FHIP2A: variants seen among roughly 807,000 people sequenced by gnomAD.
FHIP2A encodes the protein FHF complex subunit HOOK interacting protein 2A.
Under a neutral mutation model 93.5 loss-of-function variants are expected in FHIP2A, and 46 were observed. The ratio of observed to expected loss-of-function variants is 0.49; its 90% CI spans 0.39 to 0.63. The LOEUF is 0.63. Ranked by LOEUF, FHIP2A falls within the 20% of genes least tolerant of loss-of-function variation. FHIP2A has a pLI of 0.00. For missense variants in FHIP2A, 769 were observed against 909.7 expected (o/e 0.85, Z 1.99); for synonymous variants, 332 against 326.5 (o/e 1.02, Z -0.18).
chr10:114,823,354 G>A (rs2083551476), intron 1 of FHIP2A, among the ~76,000 whole-genome samples: 1 of 152,058 alleles, frequency 6.6e-6, no homozygotes, highest in South Asian at 2.1e-4. Flanking sequence ...AAATGACAGT[G>A]GTAGACTTCA....
In FHIP2A at chr10:114,860,736, T is replaced by C; in HGVS notation, c.1948-13T>C. The C allele has an allele frequency of 1.3e-6, 2 of 1,573,440 alleles. No homozygotes were observed. The highest frequency in any genetic ancestry group is 2.2e-5 in the South Asian group (2 of 90,196). On this transcript the variant is annotated splice_polypyrimidine_tract_variant and intron_variant, in intron 14 of 16. Transcript: ENST00000369248. ...TATTTTTAAATGTCTTTCTGTTTTT[T>C]ATCTCTCCATAGCCATATGATGTAA...
chr10:114,850,674 T>G (rs1225779503), intron 13 of FHIP2A, among the ~76,000 whole-genome samples: 1 of 152,170 alleles, frequency 6.6e-6, no homozygotes, highest in African/African-American at 2.4e-5. Flanking sequence ...CACTCCAGCC[T>G]GGGCAACAGA....
chr10:114,831,441 A>C (rs2083607325), intron 2 of FHIP2A, among the ~76,000 whole-genome samples: 1 of 152,176 alleles, frequency 6.6e-6, no homozygotes, highest in Non-Finnish European at 1.5e-5. Flanking sequence ...TAATTCACAA[A>C]CCCTCAGGCC....
downstream of FHIP2A, chr10:114,864,832 A>G: frequency 3.9e-6 from 1 of 258,184 alleles, no homozygotes; most frequent in Non-Finnish European, 6.1e-6. Context: ...CCCTACAATC[A>G]GTGGGTCTCT....
At chr10:114,867,754 C>A (rs186924952), downstream of FHIP2A, among the ~76,000 whole-genome samples, 1 of 152,176 alleles carries the variant, frequency 6.6e-6, no homozygotes, top group African/African-American at 2.4e-5. Context: ...CAACTCCCCC[C>A]CATTCCTGAA....
chr10:114,875,904 AAGAAAG>A lies in FHIP2A; in HGVS notation c.2192+14578_2192+14583del, dbSNP rs1355181226. ...GAAAAGAAAGAGAGAGAAAGAAATA[AAGAAAG>A]AGAAAGAAAGAAAGAAAGAAAGAGA... On this transcript the variant is annotated intron_variant, in intron 16 of 16. Transcript: ENST00000369250. 1.2e-4 allele frequency among the ~76,000 whole-genome samples: 12 copies of A among 99,248 alleles called. 1 individual carries two copies. The highest frequency in any genetic ancestry group is 4.7e-4 in the South Asian group (1 of 2,132). 65.1% of individuals were successfully genotyped at this position (99,248 alleles called of 152,430 possible).
downstream of FHIP2A, among the ~76,000 whole-genome samples, chr10:114,868,654 A>G: frequency 6.6e-6 from 1 of 152,304 alleles, no homozygotes; most frequent in East Asian, 1.9e-4. Flanking sequence ...CCCCTAGCAG[A>G]CTGCCAGAAA....
intron 1 of FHIP2A, among the ~76,000 whole-genome samples, chr10:114,822,804 G>C (rs1011989220): frequency 6.6e-6 from 1 of 152,310 alleles, no homozygotes; most frequent in South Asian, 2.1e-4. Context: ...ACCGAGCCCA[G>C]AGACCATCTG....
intron 13 of FHIP2A, among the ~76,000 whole-genome samples, chr10:114,854,863 G>C (rs147081290): frequency 6.6e-6 from 1 of 152,292 alleles, no homozygotes; most frequent in Non-Finnish European, 1.5e-5. Flanking sequence ...GGCTAGGTCT[G>C]ACTTTGCTTT....
chr10:114,822,192 G>A, intron 1 of FHIP2A, 69 bp downstream of exon 1: 2 of 1,033,992 alleles, frequency 1.9e-6, no homozygotes, highest in Non-Finnish European at 2.5e-6. Flanking sequence ...CGGCGGCCTC[G>A]GGGACAAGCC....
intron 1 of FHIP2A, among the ~76,000 whole-genome samples, chr10:114,825,874 A>G (rs2083572737): frequency 6.6e-6 from 1 of 152,238 alleles, no homozygotes; most frequent in African/African-American, 2.4e-5. Context: ...GGGCAGATTT[A>G]TTCCAGAGAG....
chr10:114,836,053 A>G (rs1052899467), intron 4 of FHIP2A, 71 bp from the exon 5 acceptor site: 4 of 1,213,650 alleles, frequency 3.3e-6, no homozygotes, highest in Non-Finnish European at 4.7e-6. Flanking sequence ...CTTAAGGTAA[A>G]TGAATGGTTA....
chr10:114,852,477 A>C (rs2083743085), intron 13 of FHIP2A, among the ~76,000 whole-genome samples: 1 of 152,198 alleles, frequency 6.6e-6, no homozygotes, highest in East Asian at 1.9e-4. Flanking sequence ...TTTGTATTTC[A>C]GAGTTGCCTG....
intron 1 of FHIP2A, among the ~76,000 whole-genome samples, chr10:114,829,673 G>A (rs926191611): frequency 6.6e-6 from 1 of 152,176 alleles, no homozygotes; most frequent in Non-Finnish European, 1.5e-5. Flanking sequence ...TCCTGGGAAT[G>A]CAGCCCAGCA....
chr10:114,878,500 T>A lies in FHIP2A; in HGVS notation c.2192+17166T>A, dbSNP rs1395992790. Among the ~76,000 whole-genome samples, 4 of 152,246 alleles carry A rather than the reference T, an allele frequency of 2.6e-5. No individual in the cohort carries two copies. The East Asian group carries it at 7.7e-4, about 29-fold the overall frequency. On this transcript the variant is annotated intron_variant, in intron 16 of 16. Transcript: ENST00000369250. ...AAGTCCAGAAAAGAGAAGCCTTGGC[T>A]GGGCGCAGTGGCTCACTCCTGTAAT...
In FHIP2A at chr10:114,846,358, A is replaced by G. The variant is rs1384311897; in HGVS notation, c.1389A>G (p.Ile463Met). 1.9e-6 allele frequency: 3 copies of G among 1,613,366 alleles called. No individual in the cohort carries two copies. The highest frequency in any genetic ancestry group is 1.7e-5 in the Admixed American group (1 of 60,008). Reference protein sequence around the residue: ...RHRLIEHCDHISDEISIMTLR... With the variant: ...RHRLIEHCDHMSDEISIMTLR... The stretch of plus-strand genomic sequence containing the variant: ...GGTTAATTGAACATTGTGATCACAT[A>G]TCTGATGAGGTAAGCTACGTAATGA... Residue 463 changes from isoleucine to methionine, a missense_variant, in exon 10 of 17, where the codon ATA becomes ATG. Ile to Met is a conservative substitution (Grantham distance 10). Coordinates refer to ENST00000369248, the MANE Select transcript of FHIP2A (RefSeq NM_020940.4).
chr10:114,827,149 A>G (rs1170676563), intron 1 of FHIP2A, among the ~76,000 whole-genome samples: 1 of 152,216 alleles, frequency 6.6e-6, no homozygotes, highest in Middle Eastern at 3.2e-3. Context: ...TCCCAGTTGA[A>G]GGCAGTGTTT....
intron 1 of FHIP2A, 61 bp from the exon 2 acceptor site, chr10:114,830,791 A>G: frequency 2.6e-6 from 3 of 1,141,444 alleles, no homozygotes; most frequent in South Asian, 2.8e-5. Flanking sequence ...ATACAGAGTT[A>G]TAAGTTATGG....
At position 114,832,597 on chromosome 10, in the gene FHIP2A, A is replaced by G. The variant is rs958379057; in HGVS notation, c.125-636A>G. Among the ~76,000 whole-genome samples, 4 of 152,046 alleles carry G rather than the reference A, an allele frequency of 2.6e-5. No homozygotes were observed. In the South Asian group the frequency reaches 8.3e-4, roughly 32 times the overall value. On this transcript the variant is annotated intron_variant, in intron 2 of 16. Coordinates refer to ENST00000369248, the MANE Select transcript of FHIP2A (RefSeq NM_020940.4). ...TTTTAATTATAAATACACATAGAAC[A>G]TTTTTGATGTGACATGTATTTTTCC...
Sources: gnomAD v4.1 joint callset for allele counts (sites outside exome capture counted in the v4.1 genomes callset) on GRCh38, gnomAD v4.1.1 for gene constraint, MANE v1.5 for transcripts, NCBI Gene and HGNC (gene_info 2026-07-23, HGNC 2026-07-21) for gene names.